The following CSMD3 variants were observed in gnomAD, a reference collection of about 807,000 sequenced individuals.
CSMD3 encodes the protein CUB and Sushi multiple domains 3.
In CSMD3, 177 loss-of-function variants were observed where a neutral mutation model predicts 435.2. The observed-to-expected ratio is 0.41, with a 90% CI of 0.36 to 0.46. CSMD3 has a LOEUF of 0.46. CSMD3 is among the 20% of genes least tolerant of loss of function. The probability of loss-of-function intolerance (pLI) is 0.34; values close to 1 mark genes in which losing one functional copy is unlikely to be tolerated. For synonymous variants in CSMD3, 1,656 were observed against 1,520.5 expected (o/e 1.09, Z -2.07); for missense variants, 4,265 against 4,504.6 (o/e 0.95, Z 1.52).
In CSMD3 at chr8:112,530,531, G is replaced by T. The variant is rs1373082320; in HGVS notation, c.4565-13306C>A. Among the ~76,000 whole-genome samples, 3 of 152,226 alleles carry T rather than the reference G, an allele frequency of 2.0e-5. No individual in the cohort carries two copies. In the East Asian group the frequency reaches 5.8e-4, roughly 29 times the overall value. ...AAAATGTGGAAAGAAAAAATAGCCT[G>T]CCACCATACACGGTCAAACTGTCTT... On this transcript the variant is annotated intron_variant, in intron 27 of 70. Coordinates refer to ENST00000297405, the MANE Select transcript of CSMD3 (RefSeq NM_198123.2).
At chr8:113,144,830 A>C (rs567494666) in intron 4 of CSMD3, among the ~76,000 whole-genome samples, 1 of 151,758 alleles carries the variant, frequency 6.6e-6, no homozygotes, top group African/African-American at 2.4e-5. Context: ...AAGTCATACA[A>C]TCCTGGAGCT....
chr8:112,917,005 G>C (rs1042774657), intron 10 of CSMD3, among the ~76,000 whole-genome samples: 1 of 151,840 alleles, frequency 6.6e-6, no homozygotes, highest in African/African-American at 2.4e-5. Context: ...TCTTACGTTT[G>C]ACCAGTAGTT....
At chr8:112,464,080 C>CA (rs915906608) in intron 32 of CSMD3, among the ~76,000 whole-genome samples, 6 of 151,332 alleles carry the variant, frequency 4.0e-5, no homozygotes, top group African/African-American at 7.3e-5. Context: ...ACTAAAAATA[C>CA]AAAAAAAATT....
chr8:112,649,453 A>G (rs1189000516), intron 19 of CSMD3, among the ~76,000 whole-genome samples: 4 of 152,364 alleles, frequency 2.6e-5, no homozygotes, highest in Non-Finnish European at 4.4e-5. Flanking sequence ...TAGTAAGTGT[A>G]GAATTTGAAA....
intron 67 of CSMD3, among the ~76,000 whole-genome samples, chr8:112,235,979 A>AT (rs1474697204): frequency 6.6e-6 from 1 of 151,974 alleles, no homozygotes; most frequent in African/African-American, 2.4e-5. Context: ...TCAAAGTTAA[A>AT]TAAAGCATTA....
At chr8:112,920,743 T>G (rs1374552850) in intron 10 of CSMD3, among the ~76,000 whole-genome samples, 1 of 151,854 alleles carries the variant, frequency 6.6e-6, no homozygotes, top group African/African-American at 2.4e-5. Flanking sequence ...TTTAATACAT[T>G]TGAACTCCCA....
At chr8:113,174,318 C>A (rs530534263) in intron 3 of CSMD3, among the ~76,000 whole-genome samples, 209 of 152,096 alleles carry the variant, frequency 1.4e-3, no homozygotes, top group African/African-American at 4.6e-3. Flanking sequence ...TAATCTTAAA[C>A]CATGAACCTA....
chr8:112,773,750 T>A (rs565682224), intron 13 of CSMD3, among the ~76,000 whole-genome samples: 16 of 152,112 alleles, frequency 1.1e-4, no homozygotes, highest in African/African-American at 3.6e-4. Flanking sequence ...AATTAACCGA[T>A]AGTGAGAAAT....
chr8:113,233,526 A>T (rs1313357085), intron 3 of CSMD3, among the ~76,000 whole-genome samples: 1 of 150,968 alleles, frequency 6.6e-6, no homozygotes, highest in African/African-American at 2.4e-5. Context: ...AATATTAATT[A>T]TAAAAATATT....
At chr8:112,737,424 C>T (rs562682123) in intron 13 of CSMD3, among the ~76,000 whole-genome samples, 3 of 151,884 alleles carry the variant, frequency 2.0e-5, no homozygotes, top group Non-Finnish European at 4.4e-5. Flanking sequence ...TGATTACTTA[C>T]AGGTGTTTGA....
At chr8:113,109,556 T>C (rs970137534) in intron 4 of CSMD3, among the ~76,000 whole-genome samples, 1 of 152,222 alleles carries the variant, frequency 6.6e-6, no homozygotes, top group Admixed American at 6.5e-5. Flanking sequence ...TATTATGTCT[T>C]ATAGCTCAAG....
At position 112,907,986 on chromosome 8, in the gene CSMD3, A is replaced by G. The variant is rs566336624; in HGVS notation, c.1633+13641T>C. Among the ~76,000 whole-genome samples, 22 of 151,466 alleles carry G rather than the reference A, an allele frequency of 1.5e-4. No individual in the cohort carries two copies. The South Asian group carries it at 3.7e-3, about 26-fold the overall frequency. On this transcript the variant is annotated intron_variant, in intron 10 of 70. Transcript: ENST00000297405. ...GCTAGATGAGATTTTTTTGGTAGCT[A>G]TGTTACATACTACATTTCTACTTTT...
chr8:112,622,890 A>G (rs1204915346), intron 22 of CSMD3, among the ~76,000 whole-genome samples: 1 of 152,088 alleles, frequency 6.6e-6, no homozygotes, highest in Non-Finnish European at 1.5e-5. Flanking sequence ...AATTTTCATT[A>G]TATCTCCATT....
chr8:112,465,208 C>T (rs952848319), intron 32 of CSMD3, among the ~76,000 whole-genome samples: 2 of 152,134 alleles, frequency 1.3e-5, no homozygotes, highest in African/African-American at 2.4e-5. Flanking sequence ...AATGCCCCCT[C>T]GTGGTGAATT....
intron 22 of CSMD3, among the ~76,000 whole-genome samples, chr8:112,601,641 G>A (rs1302404983): frequency 6.6e-6 from 1 of 152,122 alleles, no homozygotes; most frequent in Non-Finnish European, 1.5e-5. Flanking sequence ...GCACTTTGAA[G>A]AATTCAAAGT....
At chr8:112,579,425 C>A (rs1830179436) in intron 23 of CSMD3, among the ~76,000 whole-genome samples, 1 of 151,904 alleles carries the variant, frequency 6.6e-6, no homozygotes. Flanking sequence ...GGTTAGAGAC[C>A]ACAGTGTGGC....
chr8:112,711,319 A>C (rs1361755263), intron 13 of CSMD3, among the ~76,000 whole-genome samples: 2 of 152,122 alleles, frequency 1.3e-5, no homozygotes, highest in Admixed American at 1.3e-4. Flanking sequence ...AAATGAAGAC[A>C]GAGGCACCAT....
intron 3 of CSMD3, among the ~76,000 whole-genome samples, chr8:113,204,906 T>A (rs1036475839): frequency 4.6e-5 from 7 of 151,826 alleles, no homozygotes; most frequent in African/African-American, 1.7e-4. Flanking sequence ...CTCACATTCA[T>A]GGCAGAAGGC....
chr8:112,477,215 A>G (rs1819142648), intron 31 of CSMD3, among the ~76,000 whole-genome samples: 1 of 152,072 alleles, frequency 6.6e-6, no homozygotes. Flanking sequence ...TCTTTCTGCG[A>G]TGGAAATTGC....
Sources: allele counts gnomAD v4.1 joint callset (sites outside exome capture counted in the v4.1 genomes callset), GRCh38; gene constraint gnomAD v4.1.1; transcripts MANE v1.5; gene names NCBI Gene and HGNC (gene_info 2026-07-23, HGNC 2026-07-21).